SLC24A4: variants seen among roughly 807,000 people sequenced by gnomAD.
SLC24A4 encodes the protein sodium/potassium/calcium exchanger 4.
SLC24A4 carries 53 observed loss-of-function variants against 79.0 expected under a neutral mutation model. The observed-to-expected ratio is 0.67, with a 90% CI of 0.54 to 0.84. The LOEUF is 0.84. Ranked by LOEUF, SLC24A4 falls within the 40% of genes least tolerant of loss-of-function variation. The pLI is 0.00. For synonymous variants in SLC24A4, 323 were observed against 323.8 expected, an observed-to-expected ratio of 1.00 and a Z score of 0.03; for missense variants, 731 against 822.0, an observed-to-expected ratio of 0.89 and a Z score of 1.35.
At chr14:92,443,581 C>A in intron 7 of SLC24A4, 107 bp downstream of exon 7, 1 of 1,132,138 alleles carries the variant, frequency 8.8e-7, no homozygotes, top group Non-Finnish European at 1.3e-6. Flanking sequence ...GGACTCACAG[C>A]ACACAATAGT....
chr14:92,383,919 C>T (rs1381115440), intron 2 of SLC24A4, among the ~76,000 whole-genome samples: 1 of 152,230 alleles, frequency 6.6e-6, no homozygotes, highest in East Asian at 1.9e-4. Flanking sequence ...GGCTGGACCA[C>T]ACTCGCCGTG....
At chr14:92,351,888 G>T in intron 2 of SLC24A4, among the ~76,000 whole-genome samples, 1 of 137,348 alleles carries the variant, frequency 7.3e-6, no homozygotes, top group African/African-American at 2.8e-5. Flanking sequence ...AAGGAAAGAA[G>T]GAAGGAAGGA....
intron 2 of SLC24A4, among the ~76,000 whole-genome samples, chr14:92,386,171 G>C (rs1595199089): frequency 6.6e-6 from 1 of 151,964 alleles, no homozygotes; most frequent in African/African-American, 2.4e-5. Flanking sequence ...TTCCCCTTTC[G>C]ATAGGTGGTT....
intron 3 of SLC24A4, among the ~76,000 whole-genome samples, chr14:92,434,965 G>A (rs2139792798): frequency 6.6e-6 from 1 of 152,138 alleles, no homozygotes; most frequent in East Asian, 1.9e-4. Context: ...GTAGAGACGG[G>A]GTTTAACCAT....
In SLC24A4 at chr14:92,484,495, C is replaced by T. The variant is rs956641179; in HGVS notation, c.1422+1649C>T. The T allele has an allele frequency of 1.2e-5, 12 of 985,204 alleles. No individual in the cohort carries two copies. The Admixed American group carries it at 1.8e-4, about 15-fold the overall frequency. 61.0% of individuals were successfully genotyped at this position (985,204 alleles called of 1,614,324 possible). A position where few individuals can be genotyped will look rare whatever the true frequency, so the allele number is the denominator to read the frequency against. On this transcript the variant is annotated intron_variant, in intron 13 of 16. Coordinates refer to ENST00000532405, the MANE Select transcript of SLC24A4 (RefSeq NM_153646.4). ...GGACGGACTCTGTGACTCCTGGTAC[C>T]GGCTTAGAGCTCTGTATCCCAAAAA...
At chr14:92,455,276 G>A (rs926738151) in intron 11 of SLC24A4, among the ~76,000 whole-genome samples, 19 of 152,178 alleles carry the variant, frequency 1.2e-4, no homozygotes, top group Admixed American at 2.6e-4. Context: ...GACACACACC[G>A]AAAGGCTGTA....
intron 2 of SLC24A4, among the ~76,000 whole-genome samples, chr14:92,351,935 A>AAAGGG (rs1182491090): frequency 8.3e-6 from 1 of 120,500 alleles, no homozygotes; most frequent in Non-Finnish European, 1.8e-5. Flanking sequence ...AAAGGAAAGG[A>AAAGGG]AAGGAAAAGA....
At chr14:92,388,924 C>A (rs1357888706) in intron 2 of SLC24A4, among the ~76,000 whole-genome samples, 1 of 152,186 alleles carries the variant, frequency 6.6e-6, no homozygotes, top group South Asian at 2.1e-4. Flanking sequence ...CCCTAGAACC[C>A]CAGTCCAGAC....
intron 3 of SLC24A4, among the ~76,000 whole-genome samples, chr14:92,436,477 C>T (rs183928036): frequency 1.3e-5 from 2 of 152,232 alleles, no homozygotes; most frequent in East Asian, 3.9e-4. Flanking sequence ...CACTGCAACA[C>T]CCATTCTATG....
At chr14:92,474,867 T>A (rs1308081900) in intron 12 of SLC24A4, among the ~76,000 whole-genome samples, 134 of 50,848 alleles carry the variant, frequency 2.6e-3, no homozygotes, top group East Asian at 6.4e-3. Context: ...ATATATATTT[T>A]TTTTTTTTTT....
intron 2 of SLC24A4, among the ~76,000 whole-genome samples, chr14:92,342,662 G>T (rs545638629): frequency 5.3e-5 from 8 of 152,310 alleles, no homozygotes; most frequent in African/African-American, 1.9e-4. Flanking sequence ...GATTACAGGC[G>T]TGCACCACCG....
chr14:92,383,181 C>G (rs1447947575), intron 2 of SLC24A4, among the ~76,000 whole-genome samples: 2 of 152,170 alleles, frequency 1.3e-5, no homozygotes, highest in Non-Finnish European at 2.9e-5. Context: ...ACCCCGGGGT[C>G]CTCATGGCAG....
intron 13 of SLC24A4, chr14:92,484,943 T>C (rs1361205074): frequency 3.9e-5 from 36 of 921,234 alleles, no homozygotes; most frequent in Non-Finnish European, 4.7e-5. Flanking sequence ...TGTGTCGAGT[T>C]AGTGTTGTGT....
chr14:92,400,817 T>G (rs1394867316), intron 2 of SLC24A4, among the ~76,000 whole-genome samples: 1 of 152,188 alleles, frequency 6.6e-6, no homozygotes. Flanking sequence ...GCATTGGTGT[T>G]TTGTGGGAGA....
chr14:92,461,993 T>G (rs1360408500), intron 12 of SLC24A4: 2 of 152,234 alleles, frequency 1.3e-5, no homozygotes, highest in African/African-American at 4.8e-5. Flanking sequence ...TCCAGGCACT[T>G]TCATTTAATC....
chr14:92,483,639 G>A (rs1895190994), intron 13 of SLC24A4: 1 of 893,688 alleles, frequency 1.1e-6, no homozygotes, highest in African/African-American at 1.7e-5. Flanking sequence ...CATCGGCTGG[G>A]CTGGGCTGGG....
intron 13 of SLC24A4, among the ~76,000 whole-genome samples, chr14:92,486,216 A>G (rs1028188248): frequency 1.7e-4 from 26 of 152,212 alleles, no homozygotes; most frequent in African/African-American, 6.3e-4. Flanking sequence ...ATTTCCCCAG[A>G]ACACTTGTGC....
intron 12 of SLC24A4, among the ~76,000 whole-genome samples, chr14:92,473,891 C>T (rs1358764097): frequency 1.3e-5 from 2 of 152,178 alleles, no homozygotes; most frequent in Admixed American, 1.3e-4. Context: ...CACAAATGTG[C>T]CTGGGAGAAA....
intron 12 of SLC24A4, among the ~76,000 whole-genome samples, chr14:92,467,090 G>T (rs931285135): frequency 6.6e-6 from 1 of 152,186 alleles, no homozygotes; most frequent in African/African-American, 2.4e-5. Context: ...CAGCACAGAG[G>T]CCACTGACTG....
Sources: gnomAD v4.1 joint callset for allele counts (sites outside exome capture counted in the v4.1 genomes callset) on GRCh38, gnomAD v4.1.1 for gene constraint, MANE v1.5 for transcripts, NCBI Gene and HGNC (gene_info 2026-07-23, HGNC 2026-07-21) for gene names.